UGT1A5: variants seen among roughly 807,000 people sequenced by gnomAD.
UGT1A5 encodes UDP glucuronosyltransferase family 1 member A5.
UGT1A5 carries 29 observed loss-of-function variants against 40.3 expected under a neutral mutation model. That is an observed-to-expected ratio of 0.72 (90% CI 0.54 to 0.98). The LOEUF (loss-of-function observed/expected upper bound fraction) is 0.98. Among genes scored for constraint, UGT1A5 ranks in the 50% least tolerant of loss-of-function variants. UGT1A5 has a pLI of 0.00. For missense variants in UGT1A5, 678 were observed against 677.9 expected (o/e 1.00, Z 0.00); for synonymous variants, 257 against 262.5 (o/e 0.98, Z 0.20).
chr2:233,748,077 C>T, intron 1 of UGT1A5: 1 of 1,613,256 alleles, frequency 6.2e-7, no homozygotes, highest in Non-Finnish European at 8.5e-7. Flanking sequence ...GCCACTATCT[C>T]AGGTCGGTGT....
In UGT1A5 at chr2:233,761,156, G is replaced by T. The variant is rs777807265; in HGVS notation, c.868-5878G>T. On this transcript the variant is annotated intron_variant, in intron 1 of 4. Transcript: ENST00000373414. ...CACCAAAATCCACTATCCCAGGTGT[G>T]TATTGGAGTGGGACTTTTACATGCG... The T allele has an allele frequency of 2.7e-5, 43 of 1,614,110 alleles. No homozygotes were observed. The highest frequency in any genetic ancestry group is 1.4e-5 in the Non-Finnish European group (17 of 1,180,052).
At chr2:233,733,599 G>A (rs2078419468) in intron 1 of UGT1A5, among the ~76,000 whole-genome samples, 1 of 152,146 alleles carries the variant, frequency 6.6e-6, no homozygotes, top group Non-Finnish European at 1.5e-5. Context: ...TTTATGTGAT[G>A]GATTACATTT....
intron 1 of UGT1A5, among the ~76,000 whole-genome samples, chr2:233,763,291 T>C (rs1222576175): frequency 6.6e-6 from 1 of 152,232 alleles, no homozygotes; most frequent in Non-Finnish European, 1.5e-5. Context: ...AAATTCCACT[T>C]TTTGGATATT....
chr2:233,754,883 G>A (rs762017567), intron 1 of UGT1A5: 29 of 1,351,538 alleles, frequency 2.1e-5, no homozygotes, highest in East Asian at 4.6e-5. Context: ...TGCTTCCCAG[G>A]GAGTTCCTCT....
chr2:233,772,281 C>A lies in UGT1A5; in HGVS notation c.1327C>A (p.Arg443Ser). Residue 443 changes from arginine to serine, a missense_variant, in exon 5 of 5, where the codon CGC becomes AGC. By Grantham distance (110) the Arg-to-Ser change is moderately radical. Transcript: ENST00000373414. ...NDKSYKENIMRLSSLHKDRPV... is the reference protein window; with the variant it reads ...NDKSYKENIMSLSSLHKDRPV... ...GTTTAGTTACAAGGAGAACATCATGCGCCTCTCCAGCCTTCACAAGGACCG... is the reference window on the plus strand; with the variant it reads ...GTTTAGTTACAAGGAGAACATCATGAGCCTCTCCAGCCTTCACAAGGACCG... 6.2e-7 allele frequency: 1 copy of A among 1,614,202 alleles called. No individual in the cohort carries two copies. The highest frequency in any genetic ancestry group is 1.7e-5 in the Admixed American group (1 of 60,028).
chr2:233,763,806 G>A (rs1352583064), intron 1 of UGT1A5, among the ~76,000 whole-genome samples: 14 of 152,218 alleles, frequency 9.2e-5, no homozygotes, highest in Non-Finnish European at 1.8e-4. Context: ...TGAAACTCAA[G>A]AATTCCAAGA....
chr2:233,768,039 G>A, intron 3 of UGT1A5, 103 bp downstream of exon 3: 1 of 1,610,920 alleles, frequency 6.2e-7, no homozygotes, highest in Non-Finnish European at 8.5e-7. Context: ...AAATATTATG[G>A]CCAACATATC....
At chr2:233,730,095 T>G (rs1360215327) in intron 1 of UGT1A5, 1 of 1,591,544 alleles carries the variant, frequency 6.3e-7, no homozygotes, top group Non-Finnish European at 8.5e-7. Context: ...TCTTTCCAAA[T>G]ATTTCATTTC....
intron 1 of UGT1A5, chr2:233,719,725 C>A (rs766716310): frequency 3.7e-5 from 59 of 1,613,632 alleles, no homozygotes; most frequent in Non-Finnish European, 4.7e-5. Context: ...ATGTTCCAGG[C>A]AAAACACTTT....
intron 1 of UGT1A5, among the ~76,000 whole-genome samples, chr2:233,746,470 A>C (rs1310621579): frequency 6.6e-6 from 1 of 151,764 alleles, no homozygotes; most frequent in Non-Finnish European, 1.5e-5. Context: ...AGGGTTCCAG[A>C]AACACTTTCC....
At chr2:233,730,970 C>A (rs1362150933) in intron 1 of UGT1A5, among the ~76,000 whole-genome samples, 1 of 152,154 alleles carries the variant, frequency 6.6e-6, no homozygotes. Context: ...ACTCTGGGAC[C>A]TGAATATTGT....
At chr2:233,752,177 T>C (rs1381514307) in intron 1 of UGT1A5, among the ~76,000 whole-genome samples, 5 of 152,176 alleles carry the variant, frequency 3.3e-5, no homozygotes, top group Non-Finnish European at 7.3e-5. Context: ...TGATGTAAGC[T>C]GAATTAAAAT....
intron 1 of UGT1A5, chr2:233,743,993 G>C: frequency 7.9e-7 from 1 of 1,258,672 alleles, no homozygotes; most frequent in Non-Finnish European, 1.0e-6. Context: ...GCAGGCCCGA[G>C]TGCTCGGAGA....
At chr2:233,755,453 T>A (rs1392430727) in intron 1 of UGT1A5, 2 of 305,122 alleles carry the variant, frequency 6.6e-6, no homozygotes, top group Non-Finnish European at 1.3e-5. Context: ...CTCCTGGGAC[T>A]GGCCCTGCTC....
chr2:233,759,779 G>A (rs1697251285), intron 1 of UGT1A5, among the ~76,000 whole-genome samples: 1 of 152,188 alleles, frequency 6.6e-6, no homozygotes, highest in South Asian at 2.1e-4. Flanking sequence ...GTTGGACGAA[G>A]GAATGAAACA....
chr2:233,729,290 G>C (rs1376789035), intron 1 of UGT1A5: 3 of 1,614,236 alleles, frequency 1.9e-6, no homozygotes, highest in East Asian at 4.5e-5. Context: ...CATGCCAGAG[G>C]CCACCAGGCA....
chr2:233,760,445 G>A (rs2125984169), intron 1 of UGT1A5: 1 of 1,614,212 alleles, frequency 6.2e-7, no homozygotes, highest in Non-Finnish European at 8.5e-7. Context: ...CTGCAGCAGA[G>A]GGGACATGAA....
chr2:233,726,660 C>T (rs1324715982), intron 1 of UGT1A5, among the ~76,000 whole-genome samples: 1 of 152,178 alleles, frequency 6.6e-6, no homozygotes, highest in Non-Finnish European at 1.5e-5. Flanking sequence ...TTAATTTAAT[C>T]ATATCTGTGA....
At chr2:233,724,150 G>A (rs2077177057) in intron 1 of UGT1A5, among the ~76,000 whole-genome samples, 3 of 120,556 alleles carry the variant, frequency 2.5e-5, no homozygotes, top group Non-Finnish European at 5.1e-5. Flanking sequence ...GCGGCTGGCC[G>A]GGTGGGGGGG....
Sources: allele counts gnomAD v4.1 joint callset (sites outside exome capture counted in the v4.1 genomes callset), GRCh38; gene constraint gnomAD v4.1.1; transcripts MANE v1.5; gene names NCBI Gene and HGNC (gene_info 2026-07-23, HGNC 2026-07-21).